The following ANO4 variants were observed in gnomAD, a reference collection of about 807,000 sequenced individuals.
ANO4 encodes anoctamin 4, also known as anoctamin-4.
ANO4 carries 69 observed loss-of-function variants against 141.9 expected under a neutral mutation model. That is an observed-to-expected ratio of 0.49 (90% CI 0.40 to 0.59). The LOEUF is 0.59. ANO4 is among the 20% of genes least tolerant of loss of function. The pLI, the probability that ANO4 is intolerant of heterozygous loss-of-function variation, is 0.00. For synonymous variants in ANO4, 350 were observed against 394.3 expected (o/e 0.89, Z 1.33); for missense variants, 894 against 1,162.2 (o/e 0.77, Z 3.36).
chr12:100,781,014 C>G (rs554898310), intron 3 of ANO4, among the ~76,000 whole-genome samples: 1 of 152,258 alleles, frequency 6.6e-6, no homozygotes, highest in South Asian at 2.1e-4. Context: ...TCTCATAAAT[C>G]TAGTAAATTA....
intron 1 of ANO4, among the ~76,000 whole-genome samples, chr12:100,731,708 T>G (rs1336591519): frequency 6.6e-6 from 1 of 152,258 alleles, no homozygotes; most frequent in African/African-American, 2.4e-5. Flanking sequence ...CTCCATAGTT[T>G]TGCCTTTTCC....
At chr12:101,026,331 T>C (rs2046734625) in intron 9 of ANO4, among the ~76,000 whole-genome samples, 2 of 152,154 alleles carry the variant, frequency 1.3e-5, no homozygotes, top group East Asian at 1.9e-4. Flanking sequence ...AAAAGATACT[T>C]AAGAATTGTA....
intron 1 of ANO4, among the ~76,000 whole-genome samples, chr12:100,874,471 G>A (rs2039193528): frequency 1.3e-5 from 2 of 152,190 alleles, no homozygotes; most frequent in South Asian, 2.1e-4. Flanking sequence ...GCCAGGATAT[G>A]AGACATGAAG....
intron 1 of ANO4, among the ~76,000 whole-genome samples, chr12:100,848,335 G>T (rs2037688960): frequency 2.0e-5 from 3 of 151,912 alleles, no homozygotes; most frequent in African/African-American, 7.3e-5. Flanking sequence ...TCACTAAGAG[G>T]GTATTTTGAG....
Position 101,120,508 on chromosome 12 carries a change from G to GTGTCT in ANO4, c.2571-10_2571-6dup. 1 of 1,606,958 alleles carries GTGTCT rather than the reference G, an allele frequency of 6.2e-7. No homozygotes were observed. The highest frequency in any genetic ancestry group is 8.5e-7 in the Non-Finnish European group (1 of 1,174,062). On this transcript the variant is annotated splice_polypyrimidine_tract_variant and intron_variant, in intron 25 of 27. Coordinates refer to ENST00000392977, the MANE Select transcript of ANO4 (RefSeq NM_001286615.2). ...CATAGTTTGAATGCAACATTTTTCT[G>GTGTCT]TGTCTTTATAGATACCGGGACTACC...
intron 22 of ANO4, 67 bp from the exon 23 acceptor site, chr12:101,110,337 A>G: frequency 6.8e-7 from 1 of 1,471,148 alleles, no homozygotes; most frequent in Non-Finnish European, 9.1e-7. Context: ...TATTCAGATT[A>G]TGATCCCTTT....
intron 3 of ANO4, among the ~76,000 whole-genome samples, chr12:100,770,670 T>C (rs555247432): frequency 2.6e-5 from 4 of 152,150 alleles, no homozygotes; most frequent in African/African-American, 7.2e-5. Flanking sequence ...CTGGGACCTC[T>C]GAGCTCATAT....
chr12:100,787,445 A>G (rs532342995), intron 3 of ANO4, among the ~76,000 whole-genome samples: 11 of 152,152 alleles, frequency 7.2e-5, no homozygotes, highest in Non-Finnish European at 1.5e-4. Flanking sequence ...GCAAGAAGAA[A>G]GGTAGGAGAG....
intron 1 of ANO4, among the ~76,000 whole-genome samples, chr12:100,875,443 G>A (rs771790020): frequency 2.4e-4 from 37 of 152,288 alleles, no homozygotes; most frequent in Non-Finnish European, 4.6e-4. Flanking sequence ...TAGAAATGTC[G>A]TCTAGCTGTG....
chr12:101,113,388 C>A (rs1175261470), intron 24 of ANO4, among the ~76,000 whole-genome samples: 3 of 152,144 alleles, frequency 2.0e-5, no homozygotes, highest in Non-Finnish European at 2.9e-5. Context: ...AAGACAATGT[C>A]CACAGTGATT....
chr12:100,975,080 G>A (rs377503312), intron 7 of ANO4, among the ~76,000 whole-genome samples, 191 bp downstream of exon 7: 16 of 152,142 alleles, frequency 1.1e-4, no homozygotes, highest in African/African-American at 2.9e-4. Flanking sequence ...CCCTCTCCGC[G>A]TCTTCCCAGT....
At chr12:100,727,685 T>C (rs1353446023) in intron 1 of ANO4, among the ~76,000 whole-genome samples, 1 of 152,218 alleles carries the variant, frequency 6.6e-6, no homozygotes, top group Non-Finnish European at 1.5e-5. Flanking sequence ...ACTACTATAT[T>C]TGAACTTATT....
In ANO4 at chr12:100,984,263, A is replaced by G. The variant is rs546039432; in HGVS notation, c.603-3276A>G. 2.6e-5 allele frequency among the ~76,000 whole-genome samples: 4 copies of G among 152,196 alleles called. No individual in the cohort carries two copies. In the East Asian group the frequency reaches 7.7e-4, roughly 29 times the overall value. The stretch of plus-strand genomic sequence containing the variant: ...AGGTGCACACCACCATGCCTGGCTA[A>G]TATTTGTATTTTTAGTAGAGATGGG... On this transcript the variant is annotated intron_variant, in intron 7 of 27. Transcript: ENST00000392977.
At chr12:100,878,412 C>T (rs1304125041) in intron 1 of ANO4, among the ~76,000 whole-genome samples, 1 of 152,160 alleles carries the variant, frequency 6.6e-6, no homozygotes, top group Non-Finnish European at 1.5e-5. Context: ...TCCATTTGTC[C>T]TCAAGTACCT....
At chr12:101,117,682 C>T (rs950729616) in intron 25 of ANO4, among the ~76,000 whole-genome samples, 3 of 152,192 alleles carry the variant, frequency 2.0e-5, no homozygotes, top group East Asian at 3.9e-4. Context: ...TGCATTCAAA[C>T]TATGGAGCAA....
intron 12 of ANO4, among the ~76,000 whole-genome samples, chr12:101,042,815 C>G (rs773405712): frequency 6.6e-5 from 10 of 152,140 alleles, no homozygotes; most frequent in Non-Finnish European, 1.2e-4. Flanking sequence ...ACAATTCTCT[C>G]TTATGAATTC....
chr12:100,900,103 G>C (rs2040522337), intron 1 of ANO4, among the ~76,000 whole-genome samples: 1 of 152,138 alleles, frequency 6.6e-6, no homozygotes, highest in Admixed American at 6.5e-5. Context: ...CACTCAGAAA[G>C]AAAGAAGGAT....
chr12:100,806,523 C>CTTTCTTTT (rs1593379234), intron 1 of ANO4, among the ~76,000 whole-genome samples: 1 of 44,982 alleles, frequency 2.2e-5, no homozygotes, highest in Admixed American at 3.1e-4. Flanking sequence ...TTTTTTGTTT[C>CTTTCTTTT]GTTTTTTTTT....
In ANO4 at chr12:100,942,432, G is replaced by A. The variant is rs755363477; in HGVS notation, c.353G>A (p.Arg118Gln). Residue 118 changes from arginine (R) to glutamine (Q), a missense_variant, in exon 5 of 28, where the codon CGA becomes CAA. Arg to Gln is a conservative substitution (Grantham distance 43). Coordinates refer to ENST00000392977, the MANE Select transcript of ANO4 (RefSeq NM_001286615.2). ...CTTTACTTTCGAGATGGAAAGTGTC[G>A]AATTGACTACATCCTTGTGTACAGA... is the stretch of plus-strand genomic sequence containing the variant. ...NGLYFRDGKC[R>Q]IDYILVYRKS... 4.3e-6 allele frequency: 7 copies of A among 1,614,016 alleles called. No homozygotes were observed. The East Asian group carries it at 6.7e-5, about 15-fold the overall frequency.
Sources: allele counts gnomAD v4.1 joint callset (sites outside exome capture counted in the v4.1 genomes callset), GRCh38; gene constraint gnomAD v4.1.1; transcripts MANE v1.5; gene names NCBI Gene and HGNC (gene_info 2026-07-23, HGNC 2026-07-21).